The following ZBTB7C variants were observed in gnomAD, a reference collection of about 807,000 sequenced individuals.
The protein encoded by ZBTB7C is zinc finger and BTB domain-containing protein 7C.
ZBTB7C carries 8 observed loss-of-function variants against 25.7 expected under a neutral mutation model. That is an observed-to-expected ratio of 0.31 (90% CI 0.18 to 0.56). The LOEUF (loss-of-function observed/expected upper bound fraction) is 0.56. Ranked by LOEUF, ZBTB7C falls within the 20% of genes least tolerant of loss-of-function variation. The pLI is 0.91. For synonymous variants in ZBTB7C, 394 were observed against 369.0 expected, an observed-to-expected ratio of 1.07 and a Z score of -0.78; for missense variants, 824 against 855.2, an observed-to-expected ratio of 0.96 and a Z score of 0.46.
chr18:48,228,732 G>A (rs62088890), intron 2 of ZBTB7C, among the ~76,000 whole-genome samples: 1 of 143,194 alleles, frequency 7.0e-6, no homozygotes, highest in Admixed American at 6.8e-5. Flanking sequence ...CTCTCTCTCT[G>A]TCTCTCTCTC....
In ZBTB7C at chr18:48,357,506, C is replaced by T. The variant is rs191781267; in HGVS notation, c.-303-19108G>A. Among the ~76,000 whole-genome samples the T allele has an allele frequency of 3.5e-3, 532 of 152,318 alleles. 2 individuals are homozygous for T. Among genetic ancestry groups the T allele is most frequent in the African/African-American group, 0.012 (505 of 41,578 alleles). ...AACAAGCCTGCTCAGCGCTCAGCGTCGTTTAGGTGCTGGAGGGCCCAGGAA... is the reference window on the plus strand; with the variant it reads ...AACAAGCCTGCTCAGCGCTCAGCGTTGTTTAGGTGCTGGAGGGCCCAGGAA... On this transcript the variant is annotated intron_variant, in intron 1 of 4. Coordinates refer to ENST00000590800, the MANE Select transcript of ZBTB7C (RefSeq NM_001318841.2).
At chr18:48,044,466 C>T (rs1232470692) in intron 3 of ZBTB7C, among the ~76,000 whole-genome samples, 1 of 152,234 alleles carries the variant, frequency 6.6e-6, no homozygotes, top group Non-Finnish European at 1.5e-5. Context: ...TGGTTGCATG[C>T]CAGCAGGCTC....
intron 4 of ZBTB7C, among the ~76,000 whole-genome samples, chr18:48,032,209 G>C (rs368682368): frequency 6.6e-6 from 1 of 151,906 alleles, no homozygotes; most frequent in African/African-American, 2.4e-5. Flanking sequence ...CGCTTCCCAG[G>C]TTCAAGTGAT....
At chr18:48,127,858 CA>C (rs2039856933) in intron 3 of ZBTB7C, among the ~76,000 whole-genome samples, 1 of 152,130 alleles carries the variant, frequency 6.6e-6, no homozygotes, top group Admixed American at 6.5e-5. Context: ...GTCCCCTCGG[CA>C]GGGAGCAGTG....
chr18:48,189,134 C>T (rs892382176), intron 2 of ZBTB7C, among the ~76,000 whole-genome samples: 1 of 152,218 alleles, frequency 6.6e-6, no homozygotes, highest in Non-Finnish European at 1.5e-5. Flanking sequence ...GAATTCTAAC[C>T]ATAGCTCCCC....
At chr18:48,240,201 T>C (rs1042738897) in intron 2 of ZBTB7C, among the ~76,000 whole-genome samples, 5 of 152,026 alleles carry the variant, frequency 3.3e-5, no homozygotes, top group African/African-American at 1.2e-4. Context: ...TCCTAGAATT[T>C]TGGAATTATG....
At position 48,029,122 on chromosome 18, in the gene ZBTB7C, A is replaced by G. The variant is rs1268923294; in HGVS notation, c.*138T>C. Reference sequence around the variant, plus strand: ...TTTAGGAGCCCGGGAAAATGCCATCACTGATAGTATTATTATTATTTTCCC... The same window carrying G: ...TTTAGGAGCCCGGGAAAATGCCATCGCTGATAGTATTATTATTATTTTCCC... On this transcript the variant is annotated 3_prime_UTR_variant, in exon 5 of 5. Transcript: ENST00000590800. 1 of 1,215,878 alleles carries G rather than the reference A, an allele frequency of 8.2e-7. No homozygotes were observed. Among genetic ancestry groups the G allele is most frequent in the Non-Finnish European group, 1.1e-6 (1 of 914,944 alleles). 75.3% of individuals were successfully genotyped at this position (1,215,878 alleles called of 1,614,324 possible).
intron 3 of ZBTB7C, chr18:48,165,228 C>T: frequency 9.1e-6 from 7 of 771,990 alleles, no homozygotes; most frequent in Non-Finnish European, 1.4e-5. Flanking sequence ...TCCCAGCCTC[C>T]TGTTGGCCCA....
chr18:48,136,961 G>T (rs1396799162), intron 3 of ZBTB7C: 2 of 977,044 alleles, frequency 2.0e-6, no homozygotes, highest in African/African-American at 3.5e-5. Context: ...GCTCCCCAGA[G>T]CCCCGATCCT....
intron 2 of ZBTB7C, among the ~76,000 whole-genome samples, chr18:48,254,159 A>G (rs182101132): frequency 1.4e-3 from 206 of 152,366 alleles, no homozygotes; most frequent in African/African-American, 4.8e-3. Context: ...CCCCCAAACC[A>G]TGTTCTAATA....
At chr18:48,349,631 T>C (rs1435339864) in intron 1 of ZBTB7C, among the ~76,000 whole-genome samples, 1 of 152,126 alleles carries the variant, frequency 6.6e-6, no homozygotes, top group Non-Finnish European at 1.5e-5. Context: ...AAGTTTAAAG[T>C]AGAATCAAGC....
chr18:48,124,339 A>T (rs1020115014), intron 3 of ZBTB7C, among the ~76,000 whole-genome samples: 1 of 152,234 alleles, frequency 6.6e-6, no homozygotes, highest in Non-Finnish European at 1.5e-5. Flanking sequence ...CTGGAAGTCA[A>T]CAGCACATGC....
At chr18:48,201,009 C>CACCT (rs1293471004) in intron 2 of ZBTB7C, among the ~76,000 whole-genome samples, 1 of 152,206 alleles carries the variant, frequency 6.6e-6, no homozygotes, top group African/African-American at 2.4e-5. Context: ...GAACATCTAA[C>CACCT]ACCTGCATGT....
chr18:48,119,343 A>G (rs1438643041), intron 3 of ZBTB7C, among the ~76,000 whole-genome samples: 2 of 152,264 alleles, frequency 1.3e-5, no homozygotes, highest in African/African-American at 4.8e-5. Context: ...CCAGAACATC[A>G]AGCCAGTGCA....
intron 2 of ZBTB7C, among the ~76,000 whole-genome samples, chr18:48,263,945 T>C (rs73955673): frequency 1.1e-3 from 164 of 152,294 alleles, no homozygotes; most frequent in African/African-American, 3.9e-3. Flanking sequence ...AGTGAGAACA[T>C]TTGTAAACGG....
intron 2 of ZBTB7C, among the ~76,000 whole-genome samples, chr18:48,325,295 A>G (rs1237151559): frequency 6.6e-6 from 1 of 152,196 alleles, no homozygotes; most frequent in Non-Finnish European, 1.5e-5. Flanking sequence ...TATTATTACT[A>G]TTACCTTATC....
chr18:48,130,953 G>C lies in ZBTB7C; in HGVS notation c.-17+54981C>G, dbSNP rs149761831. Among the ~76,000 whole-genome samples the C allele has an allele frequency of 5.3e-3, 803 of 152,110 alleles. 7 individuals are homozygous for C. Among genetic ancestry groups the C allele is most frequent in the Non-Finnish European group, 8.9e-3 (605 of 67,968 alleles). On this transcript the variant is annotated intron_variant, in intron 3 of 4. Transcript: ENST00000590800. ...GAGTCTTGCTCTGTCACCTAGACTG[G>C]AGTGCAGTGGTCCCATCTCAGCTCA... is the stretch of plus-strand genomic sequence containing the variant.
At chr18:48,279,937 A>AG (rs1190653376) in intron 2 of ZBTB7C, among the ~76,000 whole-genome samples, 1 of 152,234 alleles carries the variant, frequency 6.6e-6, no homozygotes, top group Non-Finnish European at 1.5e-5. Flanking sequence ...GTCATTCAAA[A>AG]GGGGTTGGTA....
intron 4 of ZBTB7C, among the ~76,000 whole-genome samples, chr18:48,033,437 A>AC (rs981970543): frequency 1.3e-5 from 2 of 152,198 alleles, no homozygotes; most frequent in Non-Finnish European, 2.9e-5. Context: ...AAGAGAGGGC[A>AC]CCGGTAGCCA....
Sources: gnomAD v4.1 joint callset for allele counts (sites outside exome capture counted in the v4.1 genomes callset) on GRCh38, gnomAD v4.1.1 for gene constraint, MANE v1.5 for transcripts, NCBI Gene and HGNC (gene_info 2026-07-23, HGNC 2026-07-21) for gene names.